Variants in NPEPPS observed in about 807,000 individuals in gnomAD.
NPEPPS encodes puromycin-sensitive aminopeptidase.
A neutral mutation model predicts 115.5 loss-of-function variants in NPEPPS; 14 were observed. The observed-to-expected ratio is 0.12, with a 90% CI of 0.08 to 0.19. The LOEUF (loss-of-function observed/expected upper bound fraction) is 0.19, where lower values mean the gene tolerates loss of function less well. Among genes scored for constraint, NPEPPS ranks in the 10% least tolerant of loss-of-function variants. The pLI is 1.00. For synonymous variants in NPEPPS, 285 were observed against 390.6 expected (o/e 0.73, Z 3.19); for missense variants, 523 against 1,110.8 (o/e 0.47, Z 7.52).
rs1212256838 is a variant in NPEPPS, at chr17:47,537,115, A to C, written c.255+5560A>C. On this transcript the variant is annotated intron_variant, in intron 1 of 22. Transcript: ENST00000322157. ...GGAGGTGGGAGAATTGCTTGAGCAC[A>C]GGAGTTTGATACCAGTGTGGGCAAC... is the stretch of plus-strand genomic sequence containing the variant. 1.5e-4 allele frequency among the ~76,000 whole-genome samples: 23 copies of C among 151,934 alleles called. No individual in the cohort carries two copies. In the South Asian group the frequency reaches 3.7e-3, roughly 25 times the overall value.
chr17:47,548,496 G>A (rs1271434578), intron 2 of NPEPPS, among the ~76,000 whole-genome samples: 1 of 151,598 alleles, frequency 6.6e-6, no homozygotes, highest in Admixed American at 6.6e-5. Context: ...TAATATAAAT[G>A]TGTACCTTCC....
chr17:47,544,171 G>A (rs1909009714), intron 1 of NPEPPS, among the ~76,000 whole-genome samples: 1 of 152,118 alleles, frequency 6.6e-6, no homozygotes, highest in Non-Finnish European at 1.5e-5. Flanking sequence ...TGGGATTACA[G>A]GCGTGAGCCA....
intron 2 of NPEPPS, among the ~76,000 whole-genome samples, chr17:47,546,427 AAAAAAG>A (rs931948837): frequency 2.0e-5 from 3 of 152,222 alleles, no homozygotes; most frequent in African/African-American, 4.8e-5. Context: ...CCCTGACTCA[AAAAAAG>A]AAAAAGAAAA....
intron 4 of NPEPPS, chr17:47,579,930 CGT>C (rs10591746): frequency 0.33 from 48,854 of 146,070 alleles, 7,610 homozygotes; most frequent in Admixed American, 0.46. Flanking sequence ...TTTTTTTCTC[CGT>C]GTGTGTGTGT....
intron 12 of NPEPPS, among the ~76,000 whole-genome samples, chr17:47,594,412 C>CT (rs112592322): frequency 1.1e-3 from 135 of 127,980 alleles, no homozygotes; most frequent in Middle Eastern, 4.0e-3. Context: ...CTTTTCAATT[C>CT]TTTTTTTTTT....
chr17:47,600,020 A>G (rs1913096258), intron 14 of NPEPPS, among the ~76,000 whole-genome samples: 1 of 151,966 alleles, frequency 6.6e-6, no homozygotes, highest in South Asian at 2.1e-4. Context: ...GGGTTTCACC[A>G]TGTTGGCCAG....
intron 19 of NPEPPS, among the ~76,000 whole-genome samples, chr17:47,615,154 T>C (rs1042711839): frequency 1.3e-5 from 2 of 148,274 alleles, no homozygotes; most frequent in African/African-American, 5.1e-5. Context: ...CTTGGCTCAC[T>C]GCAACCTCTG....
intron 2 of NPEPPS, among the ~76,000 whole-genome samples, chr17:47,554,110 G>T (rs897696202): frequency 1.4e-5 from 2 of 146,626 alleles, no homozygotes; most frequent in African/African-American, 5.1e-5. Flanking sequence ...GTGTGATCTC[G>T]GCTCACTGCA....
At chr17:47,559,109 T>A (rs574439504) in intron 2 of NPEPPS, among the ~76,000 whole-genome samples, 1 of 151,640 alleles carries the variant, frequency 6.6e-6, no homozygotes, top group South Asian at 2.1e-4. Context: ...AGTGACAGGA[T>A]CGCAGCTTAC....
chr17:47,548,942 A>G (rs1909436821), intron 2 of NPEPPS, among the ~76,000 whole-genome samples: 1 of 152,216 alleles, frequency 6.6e-6, no homozygotes, highest in Admixed American at 6.5e-5. Flanking sequence ...ATCTCACGGA[A>G]GCCCAGTTAG....
chr17:47,550,179 C>A (rs1329615919), intron 2 of NPEPPS, among the ~76,000 whole-genome samples: 1 of 151,954 alleles, frequency 6.6e-6, no homozygotes, highest in Non-Finnish European at 1.5e-5. Context: ...GTGATCTGCC[C>A]GCCTTGGCCT....
chr17:47,568,979 G>A (rs1911020043), intron 2 of NPEPPS, among the ~76,000 whole-genome samples: 1 of 152,046 alleles, frequency 6.6e-6, no homozygotes, highest in Admixed American at 6.6e-5. Flanking sequence ...TACCAGAAGT[G>A]GGTATGATTT....
At chr17:47,550,701 A>G (rs867088633) in intron 2 of NPEPPS, among the ~76,000 whole-genome samples, 6 of 148,772 alleles carry the variant, frequency 4.0e-5, no homozygotes, top group Non-Finnish European at 7.4e-5. Context: ...GATCTTGCTC[A>G]CTGCAACCTC....
chr17:47,611,895 C>G (rs901806765), intron 17 of NPEPPS, among the ~76,000 whole-genome samples: 9 of 152,148 alleles, frequency 5.9e-5, no homozygotes, highest in African/African-American at 2.2e-4. Context: ...CTAACACTTG[C>G]TATTATCTTT....
At chr17:47,555,549 G>A (rs950826179) in intron 2 of NPEPPS, among the ~76,000 whole-genome samples, 2 of 151,150 alleles carry the variant, frequency 1.3e-5, no homozygotes, top group African/African-American at 4.9e-5. Context: ...GTTTATCCAT[G>A]TTGGTCAGGC....
chr17:47,569,378 C>G (rs1226196087), intron 2 of NPEPPS, 39 bp from the exon 3 acceptor site: 2 of 1,320,234 alleles, frequency 1.5e-6, no homozygotes, highest in Non-Finnish European at 2.2e-6. Flanking sequence ...TCTTGTCAGT[C>G]CAGTCAGAAT....
intron 19 of NPEPPS, among the ~76,000 whole-genome samples, chr17:47,616,549 TG>T (rs1914212073): frequency 6.6e-6 from 1 of 151,738 alleles, no homozygotes; most frequent in Non-Finnish European, 1.5e-5. Context: ...CCGGGTGTGG[TG>T]GCGGGCGCCT....
At chr17:47,563,843 T>TA (rs1164631644) in intron 2 of NPEPPS, among the ~76,000 whole-genome samples, 2 of 152,224 alleles carry the variant, frequency 1.3e-5, no homozygotes, top group East Asian at 3.8e-4. Context: ...GTGCTGGTAT[T>TA]ACAGGCGTGA....
intron 19 of NPEPPS, among the ~76,000 whole-genome samples, chr17:47,617,365 C>G (rs1423297140): frequency 1.3e-5 from 2 of 151,992 alleles, no homozygotes; most frequent in Non-Finnish European, 2.9e-5. Context: ...CTCCCCCACC[C>G]CCTTTTTTTG....
Sources: allele counts gnomAD v4.1 joint callset (sites outside exome capture counted in the v4.1 genomes callset), GRCh38; gene constraint gnomAD v4.1.1; transcripts MANE v1.5; gene names NCBI Gene and HGNC (gene_info 2026-07-23, HGNC 2026-07-21).